Variants in FNBP1 observed in about 807,000 individuals in gnomAD.
FNBP1 encodes formin-binding protein 1.
A neutral mutation model predicts 90.6 loss-of-function variants in FNBP1; 26 were observed. The ratio of observed to expected loss-of-function variants is 0.29; its 90% CI spans 0.21 to 0.40. The LOEUF (loss-of-function observed/expected upper bound fraction) is 0.40. Among genes scored for constraint, FNBP1 ranks in the 10% least tolerant of loss-of-function variants. The pLI is 1.00. For missense variants in FNBP1, 635 were observed against 768.0 expected (o/e 0.83, Z 2.05); for synonymous variants, 260 against 265.2 (o/e 0.98, Z 0.19).
intron 10 of FNBP1, chr9:129,919,356 T>C (rs1021605031): frequency 2.6e-5 from 11 of 420,174 alleles, no homozygotes; most frequent in Middle Eastern, 7.3e-4. Context: ...ACTTTGATGG[T>C]ATTTTTCCAT....
chr9:129,913,112 T>C (rs1413340567), intron 11 of FNBP1, among the ~76,000 whole-genome samples: 1 of 151,228 alleles, frequency 6.6e-6, no homozygotes, highest in Non-Finnish European at 1.5e-5. Flanking sequence ...GGAGGCTGAA[T>C]CAGGAGAAAC....
Position 129,890,977 on chromosome 9 carries a change from A to G in FNBP1, c.1847-431T>C, listed in dbSNP as rs933838796. 6.6e-6 allele frequency among the ~76,000 whole-genome samples: 1 copy of G among 151,850 alleles called. No homozygotes were observed. The highest frequency in any genetic ancestry group is 2.4e-5 in the African/African-American group (1 of 41,298). On this transcript the variant is annotated intron_variant, in intron 16 of 16. Coordinates refer to ENST00000446176, the MANE Select transcript of FNBP1 (RefSeq NM_015033.3). This position sits in a 1 kb window ranked among gnomAD's most constrained non-coding sequence, Gnocchi z 5.8. ...CAAGACCAGCCTGGCTAACATGGTG[A>G]AAACCCATCTCTATTAAAAATACAA...
At chr9:130,002,030 A>C (rs1213016581) in intron 1 of FNBP1, among the ~76,000 whole-genome samples, 16 of 2,578 alleles carry the variant, frequency 6.2e-3, no homozygotes, top group South Asian at 0.011. Flanking sequence ...TTCTGCCTCA[A>C]AAAAAAAAAA....
intron 16 of FNBP1, among the ~76,000 whole-genome samples, chr9:129,891,736 A>G (rs1188580852): frequency 6.6e-6 from 1 of 152,176 alleles, no homozygotes; most frequent in Non-Finnish European, 1.5e-5. Flanking sequence ...GCCATCATTT[A>G]AAGGAGGAGG....
intron 4 of FNBP1, among the ~76,000 whole-genome samples, chr9:129,974,356 C>A (rs2130799383): frequency 6.6e-6 from 1 of 152,008 alleles, no homozygotes; most frequent in Non-Finnish European, 1.5e-5. Flanking sequence ...ATCTGGAGAA[C>A]CAGCAGTCCC....
chr9:129,911,238 G>A (rs569555959), intron 11 of FNBP1, among the ~76,000 whole-genome samples: 9 of 152,200 alleles, frequency 5.9e-5, no homozygotes, highest in African/African-American at 2.2e-4. Flanking sequence ...TGACCTCCAC[G>A]TGCCCTTCTT....
chr9:129,913,641 C>T (rs1267848386), intron 11 of FNBP1, among the ~76,000 whole-genome samples: 2 of 151,736 alleles, frequency 1.3e-5, no homozygotes, highest in South Asian at 2.1e-4. Flanking sequence ...TGTGGTGGCG[C>T]GCCCCTATAA....
At position 130,042,366 on chromosome 9, in the gene FNBP1, A is replaced by T. The variant is rs1209230283; in HGVS notation, c.24+586T>A. Among the ~76,000 whole-genome samples the T allele has an allele frequency of 6.6e-6, 1 of 152,096 alleles. No individual in the cohort carries two copies. The highest frequency in any genetic ancestry group is 1.5e-5 in the Non-Finnish European group (1 of 67,988). Reference sequence around the variant, plus strand: ...ACTCAGGATTGAGCTACCCCGAAAGAACAAGTGCGCCCGGAGCCGCCACGG... The same window carrying T: ...ACTCAGGATTGAGCTACCCCGAAAGTACAAGTGCGCCCGGAGCCGCCACGG... On this transcript the variant is annotated intron_variant, in intron 1 of 16. Coordinates refer to ENST00000446176, the MANE Select transcript of FNBP1 (RefSeq NM_015033.3). This position sits in a 1 kb window ranked among gnomAD's most constrained non-coding sequence, Gnocchi z 5.5.
chr9:129,939,865 A>G (rs2044071716), intron 6 of FNBP1, among the ~76,000 whole-genome samples: 1 of 152,172 alleles, frequency 6.6e-6, no homozygotes, highest in African/African-American at 2.4e-5. Flanking sequence ...CGATAGTAAG[A>G]AAAATGAGAA....
upstream of FNBP1, among the ~76,000 whole-genome samples, chr9:130,043,846 T>TAA (rs2060020997): frequency 6.6e-6 from 1 of 152,346 alleles, no homozygotes; most frequent in African/African-American, 2.4e-5. Context: ...GCCTAGTGGG[T>TAA]AAAAGCAAAG....
chr9:129,971,052 A>AT (rs200223968), intron 4 of FNBP1, among the ~76,000 whole-genome samples: 83 of 146,300 alleles, frequency 5.7e-4, no homozygotes, highest in Middle Eastern at 3.5e-3. Context: ...CACCCAGCTA[A>AT]TTTTTTTTTT....
intron 11 of FNBP1, among the ~76,000 whole-genome samples, chr9:129,912,548 C>T (rs1233146714): frequency 2.6e-5 from 4 of 152,036 alleles, no homozygotes; most frequent in South Asian, 2.1e-4. Context: ...ATTAGCCAGG[C>T]GTGGTGGCGC....
rs1216398298 is a variant in FNBP1 at position 129,893,612 on chromosome 9, C to CAAAA, written c.1846+2222_1846+2225dup. 1.2e-3 allele frequency among the ~76,000 whole-genome samples: 27 copies of CAAAA among 22,300 alleles called. 4 individuals are homozygous for CAAAA. Among genetic ancestry groups the CAAAA allele is most frequent in the African/African-American group, 2.0e-3 (12 of 5,930 alleles). The allele number at this position is 22,300 out of a possible 152,430, so 14.6% of individuals were successfully genotyped here. A position where few individuals can be genotyped will look rare whatever the true frequency, so the allele number is the denominator to read the frequency against. On this transcript the variant is annotated intron_variant, in intron 16 of 16. Transcript: ENST00000446176. ...TAGGTGACAGAGTGAGACTCTGTCTCAAAAAAAAAAAAAAAAAAAAAAAAA... is the reference window on the plus strand; with the variant it reads ...TAGGTGACAGAGTGAGACTCTGTCTCAAAAAAAAAAAAAAAAAAAAAAAAAAAAA...
At chr9:129,965,588 A>G (rs1252058070) in intron 4 of FNBP1, among the ~76,000 whole-genome samples, 1 of 151,970 alleles carries the variant, frequency 6.6e-6, no homozygotes, top group African/African-American at 2.4e-5. Flanking sequence ...CTAGGCCGCA[A>G]TCCCAGTACT....
rs554440990 is a variant in FNBP1 at position 129,899,690 on chromosome 9, C to T, written c.1687+275G>A. Among the ~76,000 whole-genome samples, 34 of 150,202 alleles carry T rather than the reference C, an allele frequency of 2.3e-4. No homozygotes were observed. The South Asian group carries it at 7.2e-3, about 32-fold the overall frequency. ...GCTGCAGTGAGCCATGATTGCACCA[C>T]TGCACTCTAACTTGGGCAAGAGAGC... On this transcript the variant is annotated intron_variant, in intron 15 of 16. Coordinates refer to ENST00000446176, the MANE Select transcript of FNBP1 (RefSeq NM_015033.3).
Position 129,909,246 on chromosome 9 carries a change from C to T in FNBP1, c.1186-247G>A, listed in dbSNP as rs528874589. ...ATGCCCCAGAAAAAGCAGTGAGCAA[C>T]GCTACAGTAAAGGAGAGTAAGAGAT... On this transcript the variant is annotated intron_variant, in intron 11 of 16. Transcript: ENST00000446176. Among the ~76,000 whole-genome samples, 18 of 152,298 alleles carry T rather than the reference C, an allele frequency of 1.2e-4. No homozygotes were observed. In the South Asian group the frequency reaches 2.5e-3, roughly 21 times the overall value.
chr9:129,975,005 G>A (rs2050085452), intron 4 of FNBP1, among the ~76,000 whole-genome samples: 1 of 152,180 alleles, frequency 6.6e-6, no homozygotes, highest in African/African-American at 2.4e-5. Context: ...GATCACCTGA[G>A]CTCAGGATTT....
chr9:130,034,111 GGAGATCGAGA>G (rs2059077725), intron 1 of FNBP1, among the ~76,000 whole-genome samples: 1 of 151,614 alleles, frequency 6.6e-6, no homozygotes, highest in African/African-American at 2.4e-5. Flanking sequence ...CACGAGGTCA[GGAGATCGAGA>G]CCATCCTGGC....
chr9:130,038,223 C>T (rs1487170119), intron 1 of FNBP1, among the ~76,000 whole-genome samples: 2 of 151,410 alleles, frequency 1.3e-5, no homozygotes, highest in Non-Finnish European at 2.9e-5. Flanking sequence ...GGCGTGGTGG[C>T]GGGCGCCTGT....
Sources: allele counts gnomAD v4.1 joint callset (sites outside exome capture counted in the v4.1 genomes callset), GRCh38; gene constraint gnomAD v4.1.1; non-coding constraint Gnocchi (gnomAD v3.1); transcripts MANE v1.5; gene names NCBI Gene and HGNC (gene_info 2026-07-23, HGNC 2026-07-21).